COQ8B: variants seen among roughly 807,000 people sequenced by gnomAD.
COQ8B encodes coenzyme Q8B.
COQ8B carries 44 observed loss-of-function variants against 62.0 expected under a neutral mutation model. The ratio of observed to expected loss-of-function variants is 0.71; its 90% CI spans 0.56 to 0.91. COQ8B has a LOEUF of 0.91. Among genes scored for constraint, COQ8B ranks in the 40% least tolerant of loss-of-function variants. The pLI is 0.00. For synonymous variants in COQ8B, 252 were observed against 289.9 expected, an observed-to-expected ratio of 0.87 and a Z score of 1.33; for missense variants, 649 against 731.6, an observed-to-expected ratio of 0.89 and a Z score of 1.30.
At chr19:40,699,935 AT>A in intron 12 of COQ8B, 131 bp downstream of exon 12, 1 of 797,930 alleles carries the variant, frequency 1.3e-6, no homozygotes, top group East Asian at 2.7e-5. Flanking sequence ...GGGTCCCTGA[AT>A]CCCACTTGGA....
At chr19:40,707,676 A>G (rs965746488) in intron 5 of COQ8B, among the ~76,000 whole-genome samples, 1 of 152,116 alleles carries the variant, frequency 6.6e-6, no homozygotes, top group Non-Finnish European at 1.5e-5. Flanking sequence ...GCTGGTCTTG[A>G]ACTCCTCACC....
In COQ8B at chr19:40,714,336, C is replaced by G; in HGVS notation, c.164G>C (p.Gly55Ala). The G allele has an allele frequency of 2.5e-6, 4 of 1,614,144 alleles. No homozygotes were observed. Among genetic ancestry groups the G allele is most frequent in the Non-Finnish European group, 3.4e-6 (4 of 1,180,010 alleles). Residue 55 changes from glycine (G) to alanine (A), a missense_variant, in exon 3 of 15, where the codon GGT becomes GCT. Physicochemically the swap from Gly to Ala is moderately conservative, Grantham distance 60 (BLOSUM62 0). Transcript: ENST00000324464. ...FYQDGPGRGLGEEDIRRAREA... is the reference protein window; with the variant it reads ...FYQDGPGRGLAEEDIRRAREA... ...CCGTGCCCTGCGAATGTCCTCCTCA[C>G]CCAGGCCTCTCCCAGGCCCATCCTG...
chr19:40,712,664 A>C lies in COQ8B; in HGVS notation c.289+1403T>G, dbSNP rs190063849. ...TTTACGTTATAACCAGTGCAGACCA[A>C]GGTATATGTTTCACGAAACAAGACT... is the stretch of plus-strand genomic sequence containing the variant. On this transcript the variant is annotated intron_variant, in intron 4 of 14. Coordinates refer to ENST00000324464, the MANE Select transcript of COQ8B (RefSeq NM_024876.4). Among the ~76,000 whole-genome samples, 12 of 152,332 alleles carry C rather than the reference A, an allele frequency of 7.9e-5. No individual in the cohort carries two copies. The East Asian group carries it at 2.1e-3, about 27-fold the overall frequency.
chr19:40,694,098 G>A (rs184234876), intron 13 of COQ8B, among the ~76,000 whole-genome samples: 27 of 152,278 alleles, frequency 1.8e-4, no homozygotes, highest in Admixed American at 7.2e-4. Context: ...CTCAGTGGCC[G>A]GCAGAGAGGG....
chr19:40,702,043 C>T (rs1177491641), intron 10 of COQ8B, among the ~76,000 whole-genome samples: 3 of 152,110 alleles, frequency 2.0e-5, no homozygotes, highest in Non-Finnish European at 4.4e-5. Flanking sequence ...GGGTTGTTTC[C>T]AGTTTGGGGC....
chr19:40,714,228 G>T, intron 3 of COQ8B, 50 bp downstream of exon 3: 1 of 1,605,880 alleles, frequency 6.2e-7, no homozygotes, highest in East Asian at 2.2e-5. Flanking sequence ...CAAGCTCAGG[G>T]GGCCAGCAGT....
intron 1 of COQ8B, chr19:40,714,844 C>A: frequency 4.5e-6 from 6 of 1,347,790 alleles, no homozygotes; most frequent in South Asian, 3.8e-5. Context: ...ACTTTCCCCC[C>A]TCTCCCAACC....
At position 40,695,759 on chromosome 19, in the gene COQ8B, C is replaced by T. The variant is rs114343534; in HGVS notation, c.1209+230G>A. Reference sequence around the variant, plus strand: ...ATCTGGCCTAAAACGGGCCTAAAAACGGTCCTTTTCGCATTGTGTTGCTGT... The same window carrying T: ...ATCTGGCCTAAAACGGGCCTAAAAATGGTCCTTTTCGCATTGTGTTGCTGT... On this transcript the variant is annotated intron_variant, in intron 13 of 14. Transcript: ENST00000324464. Among the ~76,000 whole-genome samples, 266 of 152,326 alleles carry T rather than the reference C, an allele frequency of 1.7e-3. 1 individual carries two copies. The highest frequency in any genetic ancestry group is 6.2e-3 in the African/African-American group (259 of 41,568).
At position 40,703,760 on chromosome 19, in the gene COQ8B, G is replaced by C. The variant is rs1425453871; in HGVS notation, c.672C>G (p.His224Gln). The C allele has an allele frequency of 6.2e-7, 1 of 1,613,962 alleles. No individual in the cohort carries two copies. Among genetic ancestry groups the C allele is most frequent in the Non-Finnish European group, 8.5e-7 (1 of 1,180,028 alleles). Reference protein sequence around the residue: ...PFAAASIGQVHQGLLRDGTEV... With the variant: ...PFAAASIGQVQQGLLRDGTEV... ...CCGTCCCGTCCCTCAGCAGGCCCTG[G>C]TGCACCTGCCCAATTGAGGCAGCGG... The change falls in exon 8 of 15, where the codon CAC (histidine) becomes CAG (glutamine). Residue 224 changes from histidine (H) to glutamine (Q), a missense_variant. His to Gln is a conservative substitution (Grantham distance 24). Transcript: ENST00000324464.
chr19:40,699,501 C>T (rs1052398540), intron 12 of COQ8B, among the ~76,000 whole-genome samples: 2 of 152,172 alleles, frequency 1.3e-5, no homozygotes, highest in African/African-American at 2.4e-5. Context: ...CTGGACTGGG[C>T]ACTCTGAGAA....
intron 5 of COQ8B, among the ~76,000 whole-genome samples, chr19:40,709,476 C>T (rs1211126638): frequency 2.6e-5 from 4 of 152,170 alleles, no homozygotes; most frequent in Admixed American, 6.6e-5. Flanking sequence ...CACAGACCCT[C>T]GCTGGCACTT....
chr19:40,700,350 A>AG lies in COQ8B; in HGVS notation c.994dup (p.Leu332ProfsTer29). On this transcript the variant is annotated frameshift_variant, in exon 11 of 15. Transcript: ENST00000324464. LOFTEE classifies it high-confidence loss of function. ...CTGGCTTAGGCCCTGGCACTGGTCC[A>AG]GGGGGACCCCTCCAGCCAGCTCCAT... 6.2e-7 allele frequency: 1 copy of AG among 1,613,924 alleles called. No individual in the cohort carries two copies. The highest frequency in any genetic ancestry group is 2.2e-5 in the East Asian group (1 of 44,884).
At chr19:40,712,054 C>T (rs2082146021) in intron 4 of COQ8B, among the ~76,000 whole-genome samples, 1 of 151,464 alleles carries the variant, frequency 6.6e-6, no homozygotes. Context: ...CAGAGTTTCA[C>T]TCTTGCTGCC....
chr19:40,708,503 A>T (rs1211061523), intron 5 of COQ8B, among the ~76,000 whole-genome samples: 1 of 152,178 alleles, frequency 6.6e-6, no homozygotes, highest in Non-Finnish European at 1.5e-5. Context: ...AAGGTGAGAA[A>T]GCAAGAGACT....
At position 40,710,370 on chromosome 19, in the gene COQ8B, G is replaced by A. The variant is rs1451898837; in HGVS notation, c.290-234C>T. On this transcript the variant is annotated intron_variant, in intron 4 of 14. Coordinates refer to ENST00000324464, the MANE Select transcript of COQ8B (RefSeq NM_024876.4). ...AGCGATTCTCCTGCCTCAGCCTCCC[G>A]AGTAGCTGGGATTACAGGCACGCGC... 3.9e-5 allele frequency among the ~76,000 whole-genome samples: 6 copies of A among 152,096 alleles called. No homozygotes were observed. The East Asian group carries it at 9.6e-4, about 24-fold the overall frequency.
At chr19:40,695,808 G>A (rs562027675) in intron 13 of COQ8B, among the ~76,000 whole-genome samples, 181 bp downstream of exon 13, 12 of 152,292 alleles carry the variant, frequency 7.9e-5, no homozygotes, top group Middle Eastern at 3.4e-3. Flanking sequence ...GTTCCTATAC[G>A]TAAGCACTAA....
intron 11 of COQ8B, 21 bp from the exon 12 acceptor site, chr19:40,700,195 A>G: frequency 6.2e-7 from 1 of 1,613,962 alleles, no homozygotes; most frequent in Non-Finnish European, 8.5e-7. Flanking sequence ...GAGAATTAAC[A>G]GGCATCTCAG....
At chr19:40,715,513 G>T (rs1488249192) in intron 1 of COQ8B, 1 of 985,350 alleles carries the variant, frequency 1.0e-6, no homozygotes, top group East Asian at 1.1e-4. Flanking sequence ...CCTTGCACAT[G>T]GAGCCCCTCC....
intron 1 of COQ8B, among the ~76,000 whole-genome samples, chr19:40,716,383 G>A (rs1000458646): frequency 6.6e-6 from 1 of 152,164 alleles, no homozygotes; most frequent in Admixed American, 6.5e-5. Flanking sequence ...CAGGCCCGGG[G>A]CCACATGCTT....
Sources: allele counts gnomAD v4.1 joint callset (sites outside exome capture counted in the v4.1 genomes callset), GRCh38; gene constraint gnomAD v4.1.1; transcripts MANE v1.5; gene names NCBI Gene and HGNC (gene_info 2026-07-23, HGNC 2026-07-21).